Variants in ADRA1B observed in about 807,000 individuals in gnomAD.
ADRA1B encodes the protein adrenoceptor alpha 1B.
Under a neutral mutation model 17.9 loss-of-function variants are expected in ADRA1B, and 17 were observed. The observed-to-expected ratio is 0.95, with a 90% CI of 0.65 to 1.42. ADRA1B has a LOEUF of 1.42. Among genes scored for constraint, ADRA1B ranks in the 40% most tolerant of loss-of-function variants. The pLI, the probability that ADRA1B is intolerant of heterozygous loss-of-function variation, is 0.00. For missense variants in ADRA1B, 681 were observed against 722.1 expected (o/e 0.94, Z 0.65); for synonymous variants, 366 against 327.6 (o/e 1.12, Z -1.27).
chr5:159,925,156 C>A (rs1366146241), intron 1 of ADRA1B, among the ~76,000 whole-genome samples: 1 of 152,044 alleles, frequency 6.6e-6, no homozygotes, highest in Non-Finnish European at 1.5e-5. Context: ...GGGCTCTGAG[C>A]CAGATTTAAG....
At chr5:159,987,782 AC>A in the ADRA1B span, among the ~76,000 whole-genome samples, 1 of 152,168 alleles carries the variant, frequency 6.6e-6, no homozygotes, top group South Asian at 2.1e-4. Context: ...AGGGGTGCAC[AC>A]TTTTCATGAG....
intron 1 of ADRA1B, among the ~76,000 whole-genome samples, chr5:159,949,368 T>C (rs920463874): frequency 1.3e-5 from 2 of 152,236 alleles, no homozygotes; most frequent in African/African-American, 4.8e-5. Flanking sequence ...TCAATGGCTC[T>C]TATCCTTTTT....
intron 1 of ADRA1B, among the ~76,000 whole-genome samples, chr5:159,881,180 CAAA>C (rs35928792): frequency 1.8e-4 from 10 of 56,824 alleles, no homozygotes; most frequent in East Asian, 1.0e-3. Context: ...GACTCCGTCT[CAAA>C]AAAAAAAAAA....
intron 1 of ADRA1B, among the ~76,000 whole-genome samples, chr5:159,897,311 C>T (rs150268801): frequency 3.1e-3 from 465 of 152,178 alleles, no homozygotes; most frequent in Non-Finnish European, 5.3e-3. Context: ...TATGGTGAAA[C>T]CCCGTCTCTA....
At chr5:159,877,027 G>A (rs536818905) in intron 1 of ADRA1B, among the ~76,000 whole-genome samples, 11 of 152,284 alleles carry the variant, frequency 7.2e-5, no homozygotes, top group African/African-American at 2.6e-4. Context: ...GCCTTTGAGA[G>A]CAGTCGTGGG....
chr5:159,891,463 C>A (rs1332694482), intron 1 of ADRA1B, among the ~76,000 whole-genome samples: 1 of 152,098 alleles, frequency 6.6e-6, no homozygotes, highest in Non-Finnish European at 1.5e-5. Context: ...CATGAGCAAT[C>A]TGGTTGATGG....
chr5:159,882,835 A>G (rs1395212200), intron 1 of ADRA1B, among the ~76,000 whole-genome samples: 4 of 152,210 alleles, frequency 2.6e-5, no homozygotes, highest in African/African-American at 9.7e-5. Flanking sequence ...ATTTAAATGC[A>G]ATCAACAGAA....
chr5:159,968,579 C>T (rs912638094), intron 1 of ADRA1B, among the ~76,000 whole-genome samples: 19 of 152,168 alleles, frequency 1.2e-4, no homozygotes, highest in African/African-American at 3.6e-4. Context: ...CCACCTTCGC[C>T]TTCCAAAGTG....
intron 1 of ADRA1B, among the ~76,000 whole-genome samples, chr5:159,881,268 G>A (rs1753859087): frequency 6.8e-6 from 1 of 147,170 alleles, no homozygotes; most frequent in Non-Finnish European, 1.5e-5. Flanking sequence ...AAGATTACAG[G>A]GTCTTGTGGA....
chr5:159,889,915 T>C (rs139521596), intron 1 of ADRA1B, among the ~76,000 whole-genome samples: 14 of 152,350 alleles, frequency 9.2e-5, no homozygotes, highest in African/African-American at 2.9e-4. Context: ...CTAACACTTA[T>C]GATTGTCTAA....
chr5:159,881,180 C>CAAAAAA (rs35928792), intron 1 of ADRA1B, among the ~76,000 whole-genome samples: 2 of 56,826 alleles, frequency 3.5e-5, no homozygotes, highest in African/African-American at 1.1e-4. Context: ...GACTCCGTCT[C>CAAAAAA]AAAAAAAAAA....
At chr5:159,951,437 G>C in intron 1 of ADRA1B, 3 of 755,568 alleles carry the variant, frequency 4.0e-6, no homozygotes, top group Non-Finnish European at 7.2e-6. Context: ...GTTAAAAGCT[G>C]CCCTGGTGAG....
At chr5:159,935,888 A>G (rs1161100935) in intron 1 of ADRA1B, among the ~76,000 whole-genome samples, 2 of 152,212 alleles carry the variant, frequency 1.3e-5, no homozygotes, top group African/African-American at 4.8e-5. Flanking sequence ...AGAAGCAAAA[A>G]TAGTGGTCGA....
intron 1 of ADRA1B, among the ~76,000 whole-genome samples, chr5:159,897,029 C>T (rs1327368171): frequency 6.6e-6 from 1 of 152,196 alleles, no homozygotes. Flanking sequence ...CCTTTGGGGC[C>T]TATTGGCAAT....
At chr5:159,918,840 A>G (rs2113154897) in intron 1 of ADRA1B, among the ~76,000 whole-genome samples, 1 of 152,296 alleles carries the variant, frequency 6.6e-6, no homozygotes, top group South Asian at 2.1e-4. Context: ...TGAGGCACTG[A>G]TCTGCTTTGA....
chr5:159,923,352 G>A (rs1030986805), intron 1 of ADRA1B, among the ~76,000 whole-genome samples: 11 of 152,260 alleles, frequency 7.2e-5, no homozygotes, highest in South Asian at 2.1e-4. Context: ...GACGAGACAG[G>A]TAGGAGGCTT....
the ADRA1B span, among the ~76,000 whole-genome samples, chr5:159,983,873 T>A: frequency 6.6e-6 from 1 of 152,036 alleles, no homozygotes; most frequent in African/African-American, 2.4e-5. Context: ...TCCACGTTTA[T>A]ACTCCCTGAC....
chr5:159,899,306 G>GGAAGGAAGGAAGGAAGGAAA (rs1754075277), intron 1 of ADRA1B, among the ~76,000 whole-genome samples: 2 of 147,086 alleles, frequency 1.4e-5, no homozygotes, highest in African/African-American at 2.5e-5. Flanking sequence ...AAGGAAGGAA[G>GGAAGGAAGGAAGGAAGGAAA]GAAGGAAGGA....
At chr5:159,879,954 C>A (rs1753839592) in intron 1 of ADRA1B, among the ~76,000 whole-genome samples, 1 of 152,010 alleles carries the variant, frequency 6.6e-6, no homozygotes, top group African/African-American at 2.4e-5. Flanking sequence ...TGAGATCGCA[C>A]CACTGCACTC....
Sources: allele counts gnomAD v4.1 joint callset (sites outside exome capture counted in the v4.1 genomes callset), GRCh38; gene constraint gnomAD v4.1.1; transcripts MANE v1.5; gene names NCBI Gene and HGNC (gene_info 2026-07-23, HGNC 2026-07-21).